Variants in DISC1 observed in about 807,000 individuals in gnomAD.
DISC1 encodes disrupted in schizophrenia 1 protein.
In DISC1, 57 loss-of-function variants were observed where a neutral mutation model predicts 84.5. The ratio of observed to expected loss-of-function variants is 0.67; its 90% CI spans 0.55 to 0.84. The LOEUF is 0.84. DISC1 is among the 40% of genes least tolerant of loss of function. The pLI, the probability that DISC1 is intolerant of heterozygous loss-of-function variation, is 0.00. For missense variants in DISC1, 1,000 were observed against 1,057.8 expected (o/e 0.95, Z 0.76); for synonymous variants, 411 against 415.2 (o/e 0.99, Z 0.12).
intron 1 of DISC1, among the ~76,000 whole-genome samples, chr1:231,663,061 G>T (rs2061693439): frequency 6.6e-6 from 1 of 151,356 alleles, no homozygotes; most frequent in South Asian, 2.1e-4. Flanking sequence ...ATGAATTAAA[G>T]AAAAACATGA....
intron 1 of DISC1, among the ~76,000 whole-genome samples, chr1:231,635,963 G>A (rs926106534): frequency 2.0e-5 from 3 of 152,074 alleles, no homozygotes; most frequent in African/African-American, 7.2e-5. Context: ...TGGGCACATC[G>A]GGGTGTACTA....
At position 231,721,116 on chromosome 1, in the gene DISC1, G is replaced by A. The variant is rs1186068795; in HGVS notation, c.1117+19092G>A. 4.7e-6 allele frequency: 6 copies of A among 1,286,152 alleles called. No homozygotes were observed. In the South Asian group the frequency reaches 4.9e-5, roughly 11 times the overall value. The allele number at this position is 1,286,152 out of a possible 1,614,324, so 79.7% of individuals were successfully genotyped here. On this transcript the variant is annotated intron_variant, in intron 3 of 12. Transcript: ENST00000439617. Reference sequence around the variant, plus strand: ...AATGATGTCCTCATCTGCCAAATGAGTACAATAACATTAGCTCTACCTACC... The same window carrying A: ...AATGATGTCCTCATCTGCCAAATGAATACAATAACATTAGCTCTACCTACC...
Position 231,693,830 on chromosome 1 carries a change from C to A in DISC1, c.72C>A (p.Ser24Arg), listed in dbSNP as rs142035917. The A allele has an allele frequency of 6.4e-5, 103 of 1,613,266 alleles. No homozygotes were observed. Among genetic ancestry groups the A allele is most frequent in the Non-Finnish European group, 8.1e-5 (96 of 1,180,034 alleles). Residue 24 changes from serine (S) to arginine (R), a missense_variant, in exon 2 of 13, where the codon AGC becomes AGA. Ser to Arg is a moderately radical substitution (Grantham distance 110). Coordinates refer to ENST00000439617, the MANE Select transcript of DISC1 (RefSeq NM_018662.3). ...TGTTTTTTCTTTTCTTCCCAGGCAG[C>A]CGGGATTGCTTACCACCTGCAGCGT... is the stretch of plus-strand genomic sequence containing the variant. ...GGGGVSHRAG[S>R]RDCLPPAACF...
intron 10 of DISC1, among the ~76,000 whole-genome samples, chr1:231,961,343 A>G (rs1660351681): frequency 6.6e-6 from 1 of 152,220 alleles, no homozygotes; most frequent in Non-Finnish European, 1.5e-5. Context: ...CTACAGTCAG[A>G]TAAGGTAGGT....
intron 1 of DISC1, among the ~76,000 whole-genome samples, chr1:231,665,001 T>G (rs2061894522): frequency 6.6e-6 from 1 of 152,170 alleles, no homozygotes; most frequent in South Asian, 2.1e-4. Flanking sequence ...TACACACATC[T>G]ATTCTAAAAA....
intron 10 of DISC1, among the ~76,000 whole-genome samples, chr1:232,007,175 G>A (rs980525406): frequency 3.9e-5 from 6 of 152,188 alleles, no homozygotes; most frequent in Admixed American, 3.3e-4. Flanking sequence ...GTGTGGAAGG[G>A]AAATGTGGGG....
chr1:231,959,164 T>C (rs1660043288), intron 10 of DISC1: 1 of 1,100,988 alleles, frequency 9.1e-7, no homozygotes, highest in East Asian at 6.3e-5. Flanking sequence ...TTCTTTACTA[T>C]ATTAAATTCA....
intron 10 of DISC1, among the ~76,000 whole-genome samples, chr1:231,963,974 C>T (rs1378594121): frequency 1.3e-5 from 2 of 152,154 alleles, no homozygotes; most frequent in African/African-American, 2.4e-5. Context: ...CTATAGATAA[C>T]ATAACCGATT....
chr1:231,807,955 G>C (rs1368963942), intron 8 of DISC1, among the ~76,000 whole-genome samples: 1 of 152,192 alleles, frequency 6.6e-6, no homozygotes, highest in African/African-American at 2.4e-5. Flanking sequence ...ATGCTTGCTG[G>C]AATCCCTTTA....
chr1:231,985,272 G>T (rs748763284), intron 10 of DISC1, among the ~76,000 whole-genome samples: 1 of 150,258 alleles, frequency 6.7e-6, no homozygotes, highest in African/African-American at 2.5e-5. Flanking sequence ...GTTGTAGTGA[G>T]CTGAGATTGT....
intron 10 of DISC1, among the ~76,000 whole-genome samples, chr1:232,008,398 G>A (rs1403113970): frequency 6.6e-6 from 1 of 152,208 alleles, no homozygotes; most frequent in Admixed American, 6.5e-5. Context: ...GGTTATATGT[G>A]TGTTGATGGA....
At chr1:231,638,486 C>G (rs1361632241) in intron 1 of DISC1, among the ~76,000 whole-genome samples, 1 of 152,066 alleles carries the variant, frequency 6.6e-6, no homozygotes, top group Non-Finnish European at 1.5e-5. Flanking sequence ...ATTTATAAGA[C>G]TTTAATTCAT....
At chr1:231,829,971 T>C (rs1015933945) in intron 9 of DISC1, among the ~76,000 whole-genome samples, 2 of 152,086 alleles carry the variant, frequency 1.3e-5, no homozygotes, top group African/African-American at 2.4e-5. Flanking sequence ...AACAGGCCAT[T>C]TTCACTTCTT....
intron 3 of DISC1, among the ~76,000 whole-genome samples, chr1:231,730,060 C>G (rs989704183): frequency 6.6e-6 from 1 of 152,168 alleles, no homozygotes; most frequent in African/African-American, 2.4e-5. Context: ...GTGAGAGAGC[C>G]TGTAGTTTTT....
chr1:231,864,452 A>G (rs2084906396), intron 9 of DISC1, among the ~76,000 whole-genome samples: 1 of 152,150 alleles, frequency 6.6e-6, no homozygotes, highest in African/African-American at 2.4e-5. Flanking sequence ...TCACGAGGTC[A>G]GGAGATTGAG....
At chr1:231,942,480 T>C (rs768038566) in intron 9 of DISC1, among the ~76,000 whole-genome samples, 3 of 152,002 alleles carry the variant, frequency 2.0e-5, no homozygotes, top group Non-Finnish European at 2.9e-5. Flanking sequence ...CCGTGGCTAA[T>C]ATGGTGAAAC....
intron 1 of DISC1, among the ~76,000 whole-genome samples, chr1:231,635,678 A>C (rs1188635207): frequency 6.6e-6 from 1 of 152,226 alleles, no homozygotes; most frequent in Non-Finnish European, 1.5e-5. Flanking sequence ...TAGATTAACC[A>C]AGTCTATTAT....
chr1:231,882,529 A>C (rs1171627366), intron 9 of DISC1, among the ~76,000 whole-genome samples: 2 of 152,140 alleles, frequency 1.3e-5, no homozygotes, highest in Admixed American at 6.5e-5. Context: ...TCCTTACATA[A>C]ATCCTCTGGG....
chr1:231,871,981 G>A (rs1182709279), intron 9 of DISC1, among the ~76,000 whole-genome samples: 1 of 152,188 alleles, frequency 6.6e-6, no homozygotes, highest in Non-Finnish European at 1.5e-5. Flanking sequence ...GTACCACAGT[G>A]GACACCTGGA....
Sources: gnomAD v4.1 joint callset for allele counts (sites outside exome capture counted in the v4.1 genomes callset) on GRCh38, gnomAD v4.1.1 for gene constraint, MANE v1.5 for transcripts, NCBI Gene and HGNC (gene_info 2026-07-23, HGNC 2026-07-21) for gene names.